ATP11A: variants seen among roughly 807,000 people sequenced by gnomAD.
ATP11A encodes phospholipid-transporting ATPase IH.
A neutral mutation model predicts 154.4 loss-of-function variants in ATP11A; 81 were observed. The ratio of observed to expected loss-of-function variants is 0.52; its 90% CI spans 0.44 to 0.63. The LOEUF is 0.63. Ranked by LOEUF, ATP11A falls within the 30% of genes least tolerant of loss-of-function variation. The pLI, the probability that ATP11A is intolerant of heterozygous loss-of-function variation, is 0.00. For synonymous variants in ATP11A, 623 were observed against 585.9 expected (o/e 1.06, Z -0.91); for missense variants, 1,316 against 1,474.3 (o/e 0.89, Z 1.76).
intron 1 of ATP11A, among the ~76,000 whole-genome samples, chr13:112,770,946 G>T (rs55928054): frequency 6.6e-6 from 1 of 152,178 alleles, no homozygotes; most frequent in Non-Finnish European, 1.5e-5. Flanking sequence ...GGCCATTAGG[G>T]AGAATCGCCC....
At chr13:112,880,569 A>C (rs1173201932) in intron 29 of ATP11A, 1 of 1,300,142 alleles carries the variant, frequency 7.7e-7, no homozygotes, top group African/African-American at 1.5e-5. Flanking sequence ...ACAAGGCTCC[A>C]GTCCAGGCCG....
chr13:112,753,264 T>G lies in ATP11A; in HGVS notation c.40-31871T>G, dbSNP rs1268630950. Among the ~76,000 whole-genome samples, 1 of 152,236 alleles carries G rather than the reference T, an allele frequency of 6.6e-6. No homozygotes were observed. The highest frequency in any genetic ancestry group is 1.5e-5 in the Non-Finnish European group (1 of 68,044). On this transcript the variant is annotated intron_variant, in intron 1 of 29. Coordinates refer to ENST00000375645, the MANE Select transcript of ATP11A (RefSeq NM_015205.3). The surrounding 1 kb of genome is among the most constrained non-coding windows in gnomAD (Gnocchi z 4.1). ...CTGGCCGCCCCACATCATGGACAGC[T>G]GGGCTCCAATCTTCTGCTTTTATAA...
chr13:112,810,614 T>C lies in ATP11A; in HGVS notation c.334-5T>C, dbSNP rs528427403. 16 of 1,612,986 alleles carry C rather than the reference T, an allele frequency of 9.9e-6. No homozygotes were observed. The highest frequency in any genetic ancestry group is 2.7e-5 in the African/African-American group (2 of 75,010). The stretch of plus-strand genomic sequence containing the variant: ...CTCTCTCCCTTCTTTCCTTCCTTTT[T>C]TTAGGGTTATGAAGACTGGCTTCGA... On this transcript the variant is annotated splice_region_variant and splice_polypyrimidine_tract_variant and intron_variant, in intron 4 of 29. Coordinates refer to ENST00000375645, the MANE Select transcript of ATP11A (RefSeq NM_015205.3).
Position 112,789,038 on chromosome 13 carries a change from C to A in ATP11A, c.162+3781C>A, listed in dbSNP as rs545295149. On this transcript the variant is annotated intron_variant, in intron 2 of 29. Coordinates refer to ENST00000375645, the MANE Select transcript of ATP11A (RefSeq NM_015205.3). ...CCTGACATGTAGACCCCTGTGTAGA[C>A]CTACTTCATTTACACCAGGTGTCCT... Among the ~76,000 whole-genome samples the A allele has an allele frequency of 2.6e-5, 4 of 151,618 alleles. No individual in the cohort carries two copies. In the East Asian group the frequency reaches 6.0e-4, roughly 23 times the overall value.
rs34506401 is a variant in ATP11A at position 112,691,463 on chromosome 13, CA to C, written c.39+1026del. ...TGGGTGACAGAGCGAGACTCTGTAT[CA>C]AAAAAAAAAAAAAAAAAGGGTGTGT... On this transcript the variant is annotated intron_variant, in intron 1 of 29. Coordinates refer to ENST00000375645, the MANE Select transcript of ATP11A (RefSeq NM_015205.3). Among the ~76,000 whole-genome samples the C allele has an allele frequency of 9.4e-3, 797 of 84,344 alleles. 6 individuals carry two copies. Among genetic ancestry groups the C allele is most frequent in the African/African-American group, 0.031 (654 of 21,046 alleles). 55.3% of individuals were successfully genotyped at this position (84,344 alleles called of 152,430 possible). A position where few individuals can be genotyped will look rare whatever the true frequency, so the allele number is the denominator to read the frequency against.
At chr13:112,801,012 G>A (rs377106596) in intron 2 of ATP11A, among the ~76,000 whole-genome samples, 3 of 152,174 alleles carry the variant, frequency 2.0e-5, no homozygotes, top group Non-Finnish European at 4.4e-5. Flanking sequence ...GAGCATCTCC[G>A]AAAAGCCCTA....
Position 112,810,617 on chromosome 13 carries a change from A to G in ATP11A, c.334-2A>G. 2 of 1,610,072 alleles carry G rather than the reference A, an allele frequency of 1.2e-6. No homozygotes were observed. The highest frequency in any genetic ancestry group is 1.7e-6 in the Non-Finnish European group (2 of 1,178,024). Reference sequence around the variant, plus strand: ...TCTCCCTTCTTTCCTTCCTTTTTTTAGGGTTATGAAGACTGGCTTCGACAT... The same window carrying G: ...TCTCCCTTCTTTCCTTCCTTTTTTTGGGGTTATGAAGACTGGCTTCGACAT... On this transcript the variant is annotated splice_acceptor_variant, in intron 4 of 29. Coordinates refer to ENST00000375645, the MANE Select transcript of ATP11A (RefSeq NM_015205.3). LOFTEE classifies it high-confidence loss of function.
At chr13:112,742,422 G>A (rs1265949554) in intron 1 of ATP11A, among the ~76,000 whole-genome samples, 1 of 152,218 alleles carries the variant, frequency 6.6e-6, no homozygotes, top group East Asian at 1.9e-4. Flanking sequence ...GGAGACTGGG[G>A]TGTGAGCACG....
chr13:112,867,850 C>T (rs1181690890), intron 25 of ATP11A, among the ~76,000 whole-genome samples: 1 of 152,182 alleles, frequency 6.6e-6, no homozygotes, highest in Non-Finnish European at 1.5e-5. Context: ...GGGTGCTCAC[C>T]CCTGAGAATC....
At chr13:112,783,706 C>A (rs9603948) in intron 1 of ATP11A, among the ~76,000 whole-genome samples, 72,594 of 152,112 alleles carry the variant, frequency 0.48, 17,833 homozygotes, top group African/African-American at 0.58. Context: ...CGCTAAGGCC[C>A]CGTATTCCGA....
At chr13:112,741,783 C>A (rs1891579226) in intron 1 of ATP11A, among the ~76,000 whole-genome samples, 1 of 152,172 alleles carries the variant, frequency 6.6e-6, no homozygotes, top group Non-Finnish European at 1.5e-5. Context: ...GCATCAGGGC[C>A]TTTAATGTTT....
At chr13:112,771,761 A>G (rs1396627919) in intron 1 of ATP11A, among the ~76,000 whole-genome samples, 4 of 152,270 alleles carry the variant, frequency 2.6e-5, no homozygotes, top group Non-Finnish European at 5.9e-5. Flanking sequence ...CACTCCTCAC[A>G]TCAGTCAATG....
chr13:112,761,761 C>T (rs2139879118), intron 1 of ATP11A, among the ~76,000 whole-genome samples: 1 of 152,230 alleles, frequency 6.6e-6, no homozygotes, highest in East Asian at 1.9e-4. Flanking sequence ...GTTGCTGCAC[C>T]CACACCATTG....
At chr13:112,846,374 G>A (rs978907474) in intron 17 of ATP11A, among the ~76,000 whole-genome samples, 8 of 152,062 alleles carry the variant, frequency 5.3e-5, no homozygotes, top group African/African-American at 1.7e-4. Flanking sequence ...GCCATGTCAC[G>A]AGTTTTTCCC....
intron 2 of ATP11A, among the ~76,000 whole-genome samples, chr13:112,802,741 C>T (rs1313302719): frequency 2.0e-5 from 3 of 152,096 alleles, no homozygotes; most frequent in Non-Finnish European, 4.4e-5. Flanking sequence ...ACACCAAAAA[C>T]ACTGTTCATG....
intron 17 of ATP11A, 117 bp from the exon 18 acceptor site, chr13:112,850,920 T>C (rs1056102050): frequency 2.2e-6 from 2 of 916,774 alleles, no homozygotes; most frequent in Non-Finnish European, 3.4e-6. Context: ...TTGAAAGGGT[T>C]ACAATTCTTG....
intron 29 of ATP11A, among the ~76,000 whole-genome samples, chr13:112,879,769 G>A (rs759321830): frequency 1.3e-5 from 2 of 152,242 alleles, no homozygotes; most frequent in Non-Finnish European, 2.9e-5. Flanking sequence ...AGGAATAAAC[G>A]TGTCACTAGT....
At chr13:112,841,055 G>A (rs1458294703) in intron 16 of ATP11A, among the ~76,000 whole-genome samples, 2 of 152,268 alleles carry the variant, frequency 1.3e-5, no homozygotes, top group Non-Finnish European at 2.9e-5. Context: ...TGCCGTCACC[G>A]CGCCGTAGCA....
intron 1 of ATP11A, among the ~76,000 whole-genome samples, chr13:112,780,594 C>A (rs1054139987): frequency 1.3e-5 from 2 of 152,122 alleles, no homozygotes; most frequent in African/African-American, 4.8e-5. Flanking sequence ...ACCTTCTCGC[C>A]GAATTTTTTG....
Sources: gnomAD v4.1 joint callset for allele counts (sites outside exome capture counted in the v4.1 genomes callset) on GRCh38, gnomAD v4.1.1 for gene constraint, Gnocchi (gnomAD v3.1) non-coding constraint, MANE v1.5 for transcripts, NCBI Gene and HGNC (gene_info 2026-07-23, HGNC 2026-07-21) for gene names.